The following DYNC1LI1 variants were observed in gnomAD, a reference collection of about 807,000 sequenced individuals.
The protein encoded by DYNC1LI1 is cytoplasmic dynein 1 light intermediate chain 1.
In DYNC1LI1, 19 loss-of-function variants were observed where a neutral mutation model predicts 63.8. The observed-to-expected ratio is 0.30, with a 90% CI of 0.21 to 0.44. The LOEUF is 0.44. Among genes scored for constraint, DYNC1LI1 ranks in the 20% least tolerant of loss-of-function variants. DYNC1LI1 has a pLI of 1.00. For synonymous variants in DYNC1LI1, 225 were observed against 232.3 expected (o/e 0.97, Z 0.28); for missense variants, 565 against 630.2 (o/e 0.90, Z 1.11).
chr3:32,528,063 G>A (rs1697644136), intron 12 of DYNC1LI1, among the ~76,000 whole-genome samples: 1 of 121,582 alleles, frequency 8.2e-6, no homozygotes. Flanking sequence ...GGAGGCTGCA[G>A]TATCGTGCCA....
chr3:32,539,702 AT>A (rs1341569477), intron 5 of DYNC1LI1, among the ~76,000 whole-genome samples: 2 of 144,176 alleles, frequency 1.4e-5, no homozygotes, highest in African/African-American at 5.2e-5. Flanking sequence ...TGCCTGGCTA[AT>A]TTTTTGTATT....
chr3:32,537,345 C>A (rs6798176), intron 5 of DYNC1LI1: 2,341 of 230,742 alleles, frequency 0.01, 51 homozygotes, highest in African/African-American at 0.05. Context: ...GGTCAGAACA[C>A]CAAAGACAAA....
In DYNC1LI1 at chr3:32,563,658, C is replaced by T. The variant is rs556273262; in HGVS notation, c.220+6688G>A. Among the ~76,000 whole-genome samples the T allele has an allele frequency of 5.9e-5, 9 of 152,256 alleles. No individual in the cohort carries two copies. The South Asian group carries it at 1.9e-3, about 32-fold the overall frequency. ...ACTTTTCTTTTCCTATTTCAAGACTCCTTTCTGTTTTATATTTTCTAAGTG... is the reference window on the plus strand; with the variant it reads ...ACTTTTCTTTTCCTATTTCAAGACTTCTTTCTGTTTTATATTTTCTAAGTG... On this transcript the variant is annotated intron_variant, in intron 2 of 12. Transcript: ENST00000273130.
intron 2 of DYNC1LI1, among the ~76,000 whole-genome samples, chr3:32,547,692 T>C (rs1195070300): frequency 3.3e-5 from 5 of 152,176 alleles, no homozygotes; most frequent in African/African-American, 9.7e-5. Flanking sequence ...GTTCTTTTTA[T>C]GAAACATTTT....
chr3:32,540,273 TA>T (rs1697862083), intron 5 of DYNC1LI1, among the ~76,000 whole-genome samples: 1 of 152,160 alleles, frequency 6.6e-6, no homozygotes, highest in South Asian at 2.1e-4. Flanking sequence ...AGAACCTCTT[TA>T]AAAAACAGAA....
In DYNC1LI1 at chr3:32,570,804, T is replaced by G; in HGVS notation, c.-34A>C. On this transcript the variant is annotated 5_prime_UTR_variant, in exon 1 of 13. Transcript: ENST00000273130. ...GGAATCACACCACTCCCGGCAAGAC[T>G]AAATGTGCGAGGCGGCTGAGGCGGT... The G allele has an allele frequency of 6.3e-7, 1 of 1,583,552 alleles. No individual in the cohort carries two copies. Among genetic ancestry groups the G allele is most frequent in the East Asian group, 2.4e-5 (1 of 42,368 alleles).
At chr3:32,550,268 C>A (rs552174192) in intron 2 of DYNC1LI1, among the ~76,000 whole-genome samples, 2 of 152,094 alleles carry the variant, frequency 1.3e-5, no homozygotes, top group African/African-American at 4.8e-5. Context: ...CCCGTCTCTA[C>A]TAAAAATACA....
chr3:32,535,524 G>C (rs542346512), intron 6 of DYNC1LI1, among the ~76,000 whole-genome samples: 2 of 152,166 alleles, frequency 1.3e-5, no homozygotes, highest in Non-Finnish European at 2.9e-5. Context: ...AAACCTAAAA[G>C]CAGTATTGCT....
In DYNC1LI1 at chr3:32,526,612, A is replaced by T; in HGVS notation, c.*187T>A. 1 of 466,000 alleles carries T rather than the reference A, an allele frequency of 2.1e-6. No homozygotes were observed. Among genetic ancestry groups the T allele is most frequent in the Non-Finnish European group, 3.9e-6 (1 of 256,334 alleles). The allele number at this position is 466,000 out of a possible 1,614,324, so 28.9% of individuals were successfully genotyped here. On this transcript the variant is annotated 3_prime_UTR_variant, in exon 13 of 13. Transcript: ENST00000273130. ...AAACAGCAATCCTACATAATGTAGA[A>T]TAATTTTTCTTCTGTACGGCTCCTT...
At chr3:32,544,396 A>G (rs1234025564) in intron 4 of DYNC1LI1, among the ~76,000 whole-genome samples, 1 of 152,184 alleles carries the variant, frequency 6.6e-6, no homozygotes, top group Non-Finnish European at 1.5e-5. Flanking sequence ...CATCTCTACT[A>G]AACAGTTTAC....
At chr3:32,540,010 G>A (rs1401571217) in intron 5 of DYNC1LI1, among the ~76,000 whole-genome samples, 11 of 150,936 alleles carry the variant, frequency 7.3e-5, no homozygotes, top group East Asian at 2.0e-4. Context: ...GACTAAAGGC[G>A]CCCGCCACCA....
At chr3:32,528,685 AAATG>A (rs1575146860) in intron 11 of DYNC1LI1, 84 bp from the exon 12 acceptor site, 13 of 1,316,020 alleles carry the variant, frequency 9.9e-6, no homozygotes, top group African/African-American at 1.5e-5. Context: ...CACACATAGA[AAATG>A]AATAAACTTA....
At chr3:32,545,208 G>T in intron 3 of DYNC1LI1, 102 bp from the exon 4 acceptor site, 1 of 765,220 alleles carries the variant, frequency 1.3e-6, no homozygotes, top group Non-Finnish European at 2.2e-6. Flanking sequence ...CACAGGAGAT[G>T]TGCTATTGGC....
intron 2 of DYNC1LI1, among the ~76,000 whole-genome samples, chr3:32,547,152 A>T (rs528959805): frequency 6.6e-6 from 1 of 152,284 alleles, no homozygotes; most frequent in Admixed American, 6.5e-5. Context: ...CTGAGGCAGG[A>T]GAACTGCTTG....
At position 32,533,013 on chromosome 3, in the gene DYNC1LI1, G is replaced by A; in HGVS notation, c.1053C>T (p.Asp351=). The A allele has an allele frequency of 6.3e-7, 1 of 1,592,652 alleles. No homozygotes were observed. The highest frequency in any genetic ancestry group is 8.5e-7 in the Non-Finnish European group (1 of 1,173,852). Residue 351 remains aspartate, a synonymous_variant, in exon 8 of 13, where the codon GAC becomes GAT. Transcript: ENST00000273130. The part of the protein sequence containing the change: ...QTLKAEDNFE[D]IITKPPVRKF... ...TTCGAACAGGTGGTTTAGTTATGAT[G>A]TCTTCAAAATTATCTTCTGCTTTTA...
rs925608472 is a variant in DYNC1LI1, at chr3:32,549,933, G to A, written c.221-3968C>T. 3.9e-5 allele frequency among the ~76,000 whole-genome samples: 6 copies of A among 152,050 alleles called. No homozygotes were observed. The South Asian group carries it at 6.2e-4, about 16-fold the overall frequency. ...ATAAAGGCTTCCAAATAAAAAATACGTAGCTGCAGAAAATCTCATGCATAA... is the reference window on the plus strand; with the variant it reads ...ATAAAGGCTTCCAAATAAAAAATACATAGCTGCAGAAAATCTCATGCATAA... On this transcript the variant is annotated intron_variant, in intron 2 of 12. Transcript: ENST00000273130.
intron 8 of DYNC1LI1, chr3:32,531,813 G>A (rs1697701553): frequency 6.6e-6 from 1 of 152,132 alleles, no homozygotes; most frequent in Non-Finnish European, 1.5e-5. Context: ...CAGTCAGTGA[G>A]AACTACTACA....
Position 32,570,804 on chromosome 3 carries a change from TAA to T in DYNC1LI1, c.-36_-35del. On this transcript the variant is annotated 5_prime_UTR_variant, in exon 1 of 13. Coordinates refer to ENST00000273130, the MANE Select transcript of DYNC1LI1 (RefSeq NM_016141.4). The stretch of plus-strand genomic sequence containing the variant: ...GGAATCACACCACTCCCGGCAAGAC[TAA>T]ATGTGCGAGGCGGCTGAGGCGGTGG... The T allele has an allele frequency of 6.3e-7, 1 of 1,583,554 alleles. No individual in the cohort carries two copies. The highest frequency in any genetic ancestry group is 8.6e-7 in the Non-Finnish European group (1 of 1,162,494).
rs1322321238 is a variant in DYNC1LI1 at position 32,570,662 on chromosome 3, C to T, written c.109G>A (p.Ala37Thr). ...CCGTCCTCGTCGTCGCCTGCCGCGG[C>T]GCCACCGTTGCCCGACGCTATCTCG... ...GNEIASGNGG[A>T]AAGDDEDGQN... The change falls in exon 1 of 13, where the codon GCC becomes ACC. Residue 37 changes from alanine (A) to threonine (T), a missense_variant. Coordinates refer to ENST00000273130, the MANE Select transcript of DYNC1LI1 (RefSeq NM_016141.4). 6 of 1,599,090 alleles carry T rather than the reference C, an allele frequency of 3.8e-6. No individual in the cohort carries two copies. The highest frequency in any genetic ancestry group is 4.3e-6 in the Non-Finnish European group (5 of 1,173,596).
Sources: allele counts gnomAD v4.1 joint callset (sites outside exome capture counted in the v4.1 genomes callset), GRCh38; gene constraint gnomAD v4.1.1; transcripts MANE v1.5; gene names NCBI Gene and HGNC (gene_info 2026-07-23, HGNC 2026-07-21).